The following ZNF599 variants were observed in gnomAD, a reference collection of about 807,000 sequenced individuals.
The protein encoded by ZNF599 is zinc finger protein 599.
Under a neutral mutation model 11.7 loss-of-function variants are expected in ZNF599, and 10 were observed. The ratio of observed to expected loss-of-function variants is 0.86; its 90% CI spans 0.53 to 1.45. The LOEUF (loss-of-function observed/expected upper bound fraction) is 1.45. Among genes scored for constraint, ZNF599 ranks in the 40% most tolerant of loss-of-function variants. The pLI is 0.00. For synonymous variants in ZNF599, 232 were observed against 253.2 expected (o/e 0.92, Z 0.79); for missense variants, 688 against 713.6 (o/e 0.96, Z 0.41).
At chr19:34,776,531 A>G (rs997231897), upstream of ZNF599, among the ~76,000 whole-genome samples, 7 of 152,260 alleles carry the variant, frequency 4.6e-5, no homozygotes, top group Admixed American at 2.0e-4. Context: ...CTAATTAGCA[A>G]GGCAGCGGCT....
At chr19:34,765,993 G>A (rs932611660) in intron 3 of ZNF599, among the ~76,000 whole-genome samples, 2 of 152,168 alleles carry the variant, frequency 1.3e-5, no homozygotes, top group African/African-American at 4.8e-5. Flanking sequence ...TGGGTATGAG[G>A]GAGATGGAGG....
intron 1 of ZNF599, 54 bp downstream of exon 1, chr19:34,772,770 G>C: frequency 6.5e-7 from 1 of 1,534,818 alleles, no homozygotes; most frequent in South Asian, 1.2e-5. Context: ...ACAGCGGATG[G>C]GTGCATGCGG....
chr19:34,778,220 G>GA (rs946865498), upstream of ZNF599, among the ~76,000 whole-genome samples: 5 of 151,928 alleles, frequency 3.3e-5, no homozygotes, highest in African/African-American at 9.6e-5. Context: ...ACACCTAAGA[G>GA]AAAAAATGAA....
chr19:34,780,280 G>A, the ZNF599 span, among the ~76,000 whole-genome samples: 18 of 152,216 alleles, frequency 1.2e-4, 1 homozygote, highest in South Asian at 3.7e-3. Context: ...GGCTAAGGTG[G>A]GAGAATTACT....
chr19:34,767,354 C>T lies in ZNF599; in HGVS notation c.203G>A (p.Trp68Ter), dbSNP rs762812024. 6.2e-7 allele frequency: 1 copy of T among 1,614,082 alleles called. No homozygotes were observed. The highest frequency in any genetic ancestry group is 1.3e-5 in the African/African-American group (1 of 74,926). The change falls in exon 3 of 4, where the codon TGG (tryptophan) becomes TAG (stop). Residue 68 changes from tryptophan to a stop codon, truncating the protein, a stop_gained. Transcript: ENST00000329285. LOFTEE classifies it low-confidence loss of function (END_TRUNC). ...IYLLEHGQEL[W>*]TVKRGLSQST... ...TTGGGAGAGGCCTCTCTTCACTGTCCACAGTTCCTGTCCATGTTCCAGTAG... is the reference window on the plus strand; with the variant it reads ...TTGGGAGAGGCCTCTCTTCACTGTCTACAGTTCCTGTCCATGTTCCAGTAG...
At position 34,758,077 on chromosome 19, in the gene ZNF599, ATAAT is replaced by A. The variant is rs994538417; in HGVS notation, c.*953_*956del. ...ACTGAGTACATTACACAAACATGCT[ATAAT>A]TAAAATATTTTTATTATAAAGAATA... On this transcript the variant is annotated 3_prime_UTR_variant, in exon 4 of 4. Transcript: ENST00000329285. 6.6e-6 allele frequency: 1 copy of A among 152,120 alleles called. No homozygotes were observed. Among genetic ancestry groups the A allele is most frequent in the African/African-American group, 2.4e-5 (1 of 41,444 alleles). 9.4% of individuals were successfully genotyped at this position (152,120 alleles called of 1,614,324 possible).
At chr19:34,771,795 T>C (rs183199396) in intron 1 of ZNF599, among the ~76,000 whole-genome samples, 7 of 152,190 alleles carry the variant, frequency 4.6e-5, no homozygotes, top group African/African-American at 1.7e-4. Flanking sequence ...CAGAACAGAA[T>C]AGTTTTGGGC....
chr19:34,778,013 C>T (rs2069230053), upstream of ZNF599, among the ~76,000 whole-genome samples: 1 of 151,872 alleles, frequency 6.6e-6, no homozygotes, highest in Non-Finnish European at 1.5e-5. Context: ...TAGGAGGAAA[C>T]CTTTGGAGAT....
chr19:34,780,882 T>C, the ZNF599 span, among the ~76,000 whole-genome samples: 2,744 of 151,524 alleles, frequency 0.018, 34 homozygotes, highest in Non-Finnish European at 0.025. Context: ...AGGGGCCGGG[T>C]GCGGTGGTTC....
At chr19:34,761,270 A>G (rs1320666970) in intron 3 of ZNF599, among the ~76,000 whole-genome samples, 1 of 152,208 alleles carries the variant, frequency 6.6e-6, no homozygotes, top group Admixed American at 6.5e-5. Context: ...GACTAAGTGA[A>G]CATACACAAA....
At chr19:34,772,556 C>T in intron 1 of ZNF599, 3 of 1,344,560 alleles carry the variant, frequency 2.2e-6, no homozygotes, top group Admixed American at 3.7e-5. Flanking sequence ...ATTTTAGACC[C>T]GAGGGAATGG....
the ZNF599 span, among the ~76,000 whole-genome samples, chr19:34,779,199 C>T: frequency 1.2e-3 from 188 of 150,528 alleles, no homozygotes; most frequent in African/African-American, 4.1e-3. Context: ...CCACAGCCTC[C>T]TGAGTAGCTA....
At chr19:34,789,321 T>C in the ZNF599 span, among the ~76,000 whole-genome samples, 640 of 152,304 alleles carry the variant, frequency 4.2e-3, 3 homozygotes, top group African/African-American at 0.015. Context: ...GAACATCAGA[T>C]TGCAGCTATG....
the ZNF599 span, among the ~76,000 whole-genome samples, chr19:34,794,803 T>C: frequency 1.3e-5 from 2 of 152,118 alleles, no homozygotes; most frequent in African/African-American, 4.8e-5. Context: ...ATTCCTGACC[T>C]TAAGTGAGCC....
chr19:34,804,781 A>C, the ZNF599 span, among the ~76,000 whole-genome samples: 2 of 152,212 alleles, frequency 1.3e-5, no homozygotes, highest in African/African-American at 2.4e-5. Context: ...CAGGACGAGG[A>C]GAAACCGAAA....
upstream of ZNF599, among the ~76,000 whole-genome samples, chr19:34,774,230 G>T (rs909600371): frequency 5.3e-5 from 8 of 152,150 alleles, no homozygotes; most frequent in Non-Finnish European, 1.0e-4. Context: ...AGTTTGTGAT[G>T]TAAGATGGCG....
At chr19:34,770,010 T>G in intron 1 of ZNF599, among the ~76,000 whole-genome samples, 1 of 152,242 alleles carries the variant, frequency 6.6e-6, no homozygotes, top group East Asian at 1.9e-4. Flanking sequence ...ACCTGCCAGA[T>G]GTGTGACCTT....
chr19:34,805,439 A>G, the ZNF599 span, among the ~76,000 whole-genome samples: 60,038 of 151,396 alleles, frequency 0.4, 12,725 homozygotes, highest in Non-Finnish European at 0.49. Context: ...CTCGTGATCC[A>G]CCCGCCTCGG....
At chr19:34,784,923 C>T in the ZNF599 span, among the ~76,000 whole-genome samples, 1 of 147,190 alleles carries the variant, frequency 6.8e-6, no homozygotes, top group Non-Finnish European at 1.5e-5. Flanking sequence ...CCTAAATCTC[C>T]ACACAACTCC....
Sources: gnomAD v4.1 joint callset for allele counts (sites outside exome capture counted in the v4.1 genomes callset) on GRCh38, gnomAD v4.1.1 for gene constraint, MANE v1.5 for transcripts, NCBI Gene and HGNC (gene_info 2026-07-23, HGNC 2026-07-21) for gene names.